CNTNAP2: variants seen among roughly 807,000 people sequenced by gnomAD.
CNTNAP2 encodes contactin-associated protein-like 2.
A neutral mutation model predicts 155.2 loss-of-function variants in CNTNAP2; 98 were observed. The observed-to-expected ratio is 0.63, with a 90% CI of 0.54 to 0.75. The LOEUF is 0.75. Ranked by LOEUF, CNTNAP2 falls within the 30% of genes least tolerant of loss-of-function variation. The pLI is 0.00. For missense variants in CNTNAP2, 1,727 were observed against 1,688.1 expected, an observed-to-expected ratio of 1.02 and a Z score of -0.40; for synonymous variants, 651 against 631.2, an observed-to-expected ratio of 1.03 and a Z score of -0.47.
intron 20 of CNTNAP2, among the ~76,000 whole-genome samples, chr7:148,248,022 G>A (rs1796303005): frequency 6.6e-6 from 1 of 151,984 alleles, no homozygotes; most frequent in Non-Finnish European, 1.5e-5. Context: ...TAAATGTACA[G>A]ACTGATGAGT....
At chr7:147,111,740 T>G (rs547322780) in intron 5 of CNTNAP2, among the ~76,000 whole-genome samples, 13 of 152,224 alleles carry the variant, frequency 8.5e-5, no homozygotes, top group African/African-American at 3.1e-4. Flanking sequence ...TCTGTTCATA[T>G]CAGTACCATG....
At chr7:148,304,137 T>TA (rs756013154) in intron 21 of CNTNAP2, among the ~76,000 whole-genome samples, 11 of 151,950 alleles carry the variant, frequency 7.2e-5, no homozygotes, top group East Asian at 1.9e-4. Context: ...AAACTAAAAA[T>TA]AAAAAAGCCA....
chr7:146,885,879 G>T lies in CNTNAP2; in HGVS notation c.402+45975G>T, dbSNP rs192381236. 2.0e-5 allele frequency among the ~76,000 whole-genome samples: 3 copies of T among 151,610 alleles called. No individual in the cohort carries two copies. The East Asian group carries it at 5.8e-4, about 29-fold the overall frequency. On this transcript the variant is annotated intron_variant, in intron 3 of 23. Coordinates refer to ENST00000361727, the MANE Select transcript of CNTNAP2 (RefSeq NM_014141.6). ...ATGTGAGTGTATTTTGCACAGGATA[G>T]AACTTGTCGTGTTTCATTATGCTCT...
At chr7:146,354,614 AATGTTGGCC>A (rs1794970972) in intron 1 of CNTNAP2, among the ~76,000 whole-genome samples, 1 of 151,840 alleles carries the variant, frequency 6.6e-6, no homozygotes, top group Admixed American at 6.6e-5. Flanking sequence ...GGGGCTTCAC[AATGTTGGCC>A]AGGCTGATGT....
intron 6 of CNTNAP2, among the ~76,000 whole-genome samples, chr7:147,125,994 C>A (rs1801225875): frequency 6.6e-6 from 1 of 152,152 alleles, no homozygotes; most frequent in Non-Finnish European, 1.5e-5. Flanking sequence ...CGGCTGCTAA[C>A]ATTTCACTTT....
At chr7:146,560,652 A>C (rs1228576681) in intron 1 of CNTNAP2, among the ~76,000 whole-genome samples, 2 of 152,164 alleles carry the variant, frequency 1.3e-5, no homozygotes, top group Non-Finnish European at 2.9e-5. Flanking sequence ...CTTTTGTGTC[A>C]AGTGAGTAGA....
chr7:146,358,235 C>G (rs1292395368), intron 1 of CNTNAP2, among the ~76,000 whole-genome samples: 1 of 151,954 alleles, frequency 6.6e-6, no homozygotes, highest in Non-Finnish European at 1.5e-5. Context: ...GGGGTTTCCC[C>G]GTGTTAGCCA....
intron 15 of CNTNAP2, among the ~76,000 whole-genome samples, chr7:148,113,668 C>T (rs568351548): frequency 3.5e-4 from 53 of 152,320 alleles, no homozygotes; most frequent in Middle Eastern, 3.4e-3. Context: ...GGCTCAGCCC[C>T]GCTCTCCTGC....
intron 15 of CNTNAP2, among the ~76,000 whole-genome samples, chr7:148,116,473 C>G (rs889463056): frequency 6.6e-6 from 1 of 151,652 alleles, no homozygotes; most frequent in Non-Finnish European, 1.5e-5. Flanking sequence ...ACATTTCTCT[C>G]TCTCCAACCC....
chr7:148,204,581 G>T (rs1320774291), intron 18 of CNTNAP2, among the ~76,000 whole-genome samples: 3 of 152,006 alleles, frequency 2.0e-5, no homozygotes, highest in Admixed American at 6.6e-5. Context: ...TAGATTTTTG[G>T]TTTTTCTTTT....
At chr7:146,744,800 A>G (rs1156623635) in intron 1 of CNTNAP2, among the ~76,000 whole-genome samples, 1 of 152,200 alleles carries the variant, frequency 6.6e-6, no homozygotes, top group Non-Finnish European at 1.5e-5. Context: ...GTGGCCTTCT[A>G]CAAGTATGAT....
At chr7:147,990,060 T>TG (rs57762640) in intron 15 of CNTNAP2, among the ~76,000 whole-genome samples, 115,403 of 152,068 alleles carry the variant, frequency 0.76, 44,782 homozygotes, top group African/African-American at 0.92. Context: ...ACTACAAATT[T>TG]GGGGTTGCTA....
intron 9 of CNTNAP2, among the ~76,000 whole-genome samples, chr7:147,384,735 T>C (rs1796598573): frequency 6.6e-6 from 1 of 152,200 alleles, no homozygotes; most frequent in African/African-American, 2.4e-5. Flanking sequence ...TTAAGTGCCA[T>C]TTCAGTTGGA....
chr7:147,017,163 T>C (rs1798740166), intron 3 of CNTNAP2, among the ~76,000 whole-genome samples: 1 of 152,028 alleles, frequency 6.6e-6, no homozygotes, highest in Non-Finnish European at 1.5e-5. Flanking sequence ...CTTCTTCTTC[T>C]GTCATATTTT....
intron 2 of CNTNAP2, chr7:146,782,338 A>T (rs917208675): frequency 2.6e-5 from 4 of 152,180 alleles, no homozygotes; most frequent in African/African-American, 9.7e-5. Context: ...GCATTTCAGG[A>T]TATTTGACAT....
At chr7:147,671,198 T>A (rs1400055762) in intron 13 of CNTNAP2, among the ~76,000 whole-genome samples, 1 of 152,214 alleles carries the variant, frequency 6.6e-6, no homozygotes, top group African/African-American at 2.4e-5. Flanking sequence ...CATTTCATGC[T>A]CTTTCCTGCA....
intron 4 of CNTNAP2, among the ~76,000 whole-genome samples, chr7:147,084,874 T>A (rs1244150761): frequency 6.7e-6 from 1 of 149,746 alleles, no homozygotes; most frequent in Non-Finnish European, 1.5e-5. Flanking sequence ...TTTGTGTGTG[T>A]ATATATATGT....
chr7:146,800,364 G>A (rs764641440), intron 2 of CNTNAP2, among the ~76,000 whole-genome samples: 7 of 152,262 alleles, frequency 4.6e-5, no homozygotes, highest in Non-Finnish European at 8.8e-5. Context: ...CAAGCTGCCC[G>A]GGGTGGCCTG....
intron 4 of CNTNAP2, among the ~76,000 whole-genome samples, chr7:147,096,115 C>G (rs1563075282): frequency 1.3e-5 from 2 of 152,104 alleles, no homozygotes; most frequent in Non-Finnish European, 2.9e-5. Context: ...ACTGGTTATT[C>G]ACAGGAAAAT....
Sources: gnomAD v4.1 joint callset for allele counts (sites outside exome capture counted in the v4.1 genomes callset) on GRCh38, gnomAD v4.1.1 for gene constraint, MANE v1.5 for transcripts, NCBI Gene and HGNC (gene_info 2026-07-23, HGNC 2026-07-21) for gene names.